PIK3R5: variants seen among roughly 807,000 people sequenced by gnomAD.
PIK3R5 encodes the protein phosphoinositide 3-kinase regulatory subunit 5.
In PIK3R5, 32 loss-of-function variants were observed where a neutral mutation model predicts 94.9. That is an observed-to-expected ratio of 0.34 (90% confidence interval 0.25 to 0.45). The LOEUF (loss-of-function observed/expected upper bound fraction) is 0.45. PIK3R5 is among the 20% of genes least tolerant of loss of function. The probability of loss-of-function intolerance (pLI) is 1.00; values close to 1 mark genes in which losing one functional copy is unlikely to be tolerated. For synonymous variants in PIK3R5, 443 were observed against 479.4 expected (o/e 0.92, Z 0.99); for missense variants, 853 against 1,144.6 (o/e 0.75, Z 3.68).
chr17:8,904,274 A>G lies in PIK3R5; in HGVS notation c.412+503T>C, dbSNP rs1363507294. Among the ~76,000 whole-genome samples, 5 of 152,220 alleles carry G rather than the reference A, an allele frequency of 3.3e-5. No individual in the cohort carries two copies. The highest frequency in any genetic ancestry group is 7.3e-5 in the Non-Finnish European group (5 of 68,040). The stretch of plus-strand genomic sequence containing the variant: ...AATTCTTACTTTTCAGACCCCACAC[A>G]TGAAAACTGAGTCCCGGGTCTTGTC... On this transcript the variant is annotated intron_variant, in intron 5 of 18. Transcript: ENST00000447110. The surrounding 1 kb of genome is among the most constrained non-coding windows in gnomAD (Gnocchi z 5.1).
Position 8,881,695 on chromosome 17 carries a change from G to A in PIK3R5, c.2317C>T (p.Leu773=). ...QEELDSSMEA[L]TLNLTEVVKR... is the part of the protein sequence containing the mutation. ...ACCACTTCTGTCAGGTTTAGCGTCA[G>A]GGCCTCCATGCTGGAATCTGAGGGG... The change falls in exon 17 of 19, where the codon CTG becomes TTG. Residue 773 remains leucine, a synonymous_variant. Transcript: ENST00000447110. The surrounding 1 kb of genome is among the most constrained non-coding windows in gnomAD (Gnocchi z 4.8). The A allele has an allele frequency of 2.5e-6, 4 of 1,613,964 alleles. No individual in the cohort carries two copies. The highest frequency in any genetic ancestry group is 3.4e-6 in the Non-Finnish European group (4 of 1,179,932).
intron 1 of PIK3R5, among the ~76,000 whole-genome samples, chr17:8,914,388 C>A (rs924203825): frequency 9.9e-5 from 15 of 152,164 alleles, no homozygotes; most frequent in African/African-American, 3.6e-4. Context: ...ACAAAAGTTG[C>A]TAAATCCTCT....
chr17:8,880,568 A>C lies in PIK3R5; in HGVS notation c.*71T>G. ...CAGGGCCATTCAGTTCTCCACAGAG[A>C]GGGACTGTCCTGGAGGGGTGGCCGA... On this transcript the variant is annotated 3_prime_UTR_variant, in exon 19 of 19. Coordinates refer to ENST00000447110, the MANE Select transcript of PIK3R5 (RefSeq NM_001142633.3). 40 of 1,423,846 alleles carry C rather than the reference A, an allele frequency of 2.8e-5. No homozygotes were observed. Among genetic ancestry groups the C allele is most frequent in the Non-Finnish European group, 3.8e-5 (40 of 1,066,276 alleles). 88.2% of individuals were successfully genotyped at this position (1,423,846 alleles called of 1,614,324 possible).
At chr17:8,898,572 C>G (rs532047905) in intron 5 of PIK3R5, among the ~76,000 whole-genome samples, 3 of 152,276 alleles carry the variant, frequency 2.0e-5, no homozygotes, top group African/African-American at 4.8e-5. Context: ...AAATGTCGAG[C>G]CTTCAGTTTC....
Position 8,880,422 on chromosome 17 carries a change from T to G in PIK3R5, c.*217A>C, listed in dbSNP as rs1288208221. 2.1e-6 allele frequency: 1 copy of G among 467,272 alleles called. No individual in the cohort carries two copies. Among genetic ancestry groups the G allele is most frequent in the Non-Finnish European group, 3.8e-6 (1 of 265,714 alleles). 28.9% of individuals were successfully genotyped at this position (467,272 alleles called of 1,614,324 possible). On this transcript the variant is annotated 3_prime_UTR_variant, in exon 19 of 19. Transcript: ENST00000447110. ...TTCTACTGCCAGGAATCTAAGAGGC[T>G]ATGGGGTCTGGCCCTTCTCTCTCTG...
chr17:8,886,898 C>T (rs1401985237), intron 12 of PIK3R5, among the ~76,000 whole-genome samples, 198 bp downstream of exon 12: 3 of 152,212 alleles, frequency 2.0e-5, no homozygotes, highest in Admixed American at 6.5e-5. Flanking sequence ...TCCATCACTG[C>T]AGTGACCCCA....
intron 1 of PIK3R5, among the ~76,000 whole-genome samples, chr17:8,957,717 G>A (rs1383144414): frequency 6.6e-6 from 1 of 152,184 alleles, no homozygotes; most frequent in Non-Finnish European, 1.5e-5. Context: ...AATCAAAGAT[G>A]GCTCTCGGGC....
At chr17:8,938,392 T>C (rs2091114647) in intron 1 of PIK3R5, among the ~76,000 whole-genome samples, 1 of 152,218 alleles carries the variant, frequency 6.6e-6, no homozygotes, top group Admixed American at 6.5e-5. Flanking sequence ...CTGTAATTCA[T>C]GTAACGTAAA....
At chr17:8,963,796 C>G (rs914729670) in intron 1 of PIK3R5, among the ~76,000 whole-genome samples, 5 of 152,018 alleles carry the variant, frequency 3.3e-5, no homozygotes, top group African/African-American at 1.2e-4. Flanking sequence ...TCATCCCTCT[C>G]GTAAGCTAGA....
intron 1 of PIK3R5, among the ~76,000 whole-genome samples, chr17:8,944,629 G>A (rs1429640962): frequency 6.6e-6 from 1 of 152,190 alleles, no homozygotes; most frequent in African/African-American, 2.4e-5. Context: ...ACCCTCTGGT[G>A]AAATGGGAAC....
intron 1 of PIK3R5, among the ~76,000 whole-genome samples, chr17:8,954,104 C>T (rs1242337929): frequency 6.6e-6 from 1 of 152,014 alleles, no homozygotes; most frequent in Non-Finnish European, 1.5e-5. Flanking sequence ...AAAGAAATAA[C>T]TTTGTCCTTG....
chr17:8,906,940 A>G (rs990858454), intron 3 of PIK3R5, among the ~76,000 whole-genome samples: 3 of 152,202 alleles, frequency 2.0e-5, no homozygotes, highest in Non-Finnish European at 4.4e-5. Context: ...ATTGTATCAT[A>G]TATTAAATTT....
In PIK3R5 at chr17:8,881,776, C is replaced by G; in HGVS notation, c.2299+12G>C. On this transcript the variant is annotated intron_variant, in intron 16 of 18. Transcript: ENST00000447110. The surrounding 1 kb of genome is among the most constrained non-coding windows in gnomAD (Gnocchi z 4.8). ...TCCCTACTGCACACCCCACACTGAC[C>G]ACCCCACTCACCCAGCTCCTCCTGC... The G allele has an allele frequency of 6.2e-7, 1 of 1,613,614 alleles. No homozygotes were observed. Among genetic ancestry groups the G allele is most frequent in the Non-Finnish European group, 8.5e-7 (1 of 1,179,544 alleles).
Position 8,911,218 on chromosome 17 carries a change from A to C in PIK3R5, c.103+174T>G, listed in dbSNP as rs1025960642. On this transcript the variant is annotated intron_variant, in intron 2 of 18. Transcript: ENST00000447110. The surrounding 1 kb of genome is among the most constrained non-coding windows in gnomAD (Gnocchi z 5.3). ...AGAAAGTGCCAGACACTGAGGTCTGACTACATCAAGTGCTGCGCCAGGCAC... is the reference window on the plus strand; with the variant it reads ...AGAAAGTGCCAGACACTGAGGTCTGCCTACATCAAGTGCTGCGCCAGGCAC... Among the ~76,000 whole-genome samples, 1 of 152,194 alleles carries C rather than the reference A, an allele frequency of 6.6e-6. No homozygotes were observed. The highest frequency in any genetic ancestry group is 1.5e-5 in the Non-Finnish European group (1 of 68,030).
At chr17:8,885,853 T>C (rs1481702103) in intron 14 of PIK3R5, among the ~76,000 whole-genome samples, 10 of 45,528 alleles carry the variant, frequency 2.2e-4, no homozygotes, top group Non-Finnish European at 3.6e-4. Flanking sequence ...CCCCGCCTCC[T>C]GGGTAACTCC....
At chr17:8,962,899 G>C (rs1373068974) in intron 1 of PIK3R5, among the ~76,000 whole-genome samples, 1 of 152,146 alleles carries the variant, frequency 6.6e-6, no homozygotes, top group Non-Finnish European at 1.5e-5. Context: ...TATATCTGAG[G>C]CTCAAAAATC....
At chr17:8,898,509 T>C (rs1567642866) in intron 5 of PIK3R5, among the ~76,000 whole-genome samples, 1 of 152,196 alleles carries the variant, frequency 6.6e-6, no homozygotes, top group African/African-American at 2.4e-5. Flanking sequence ...CAAAGAGATA[T>C]GGGTTCAAGT....
In PIK3R5 at chr17:8,960,775, T is replaced by A. The variant is rs555973704; in HGVS notation, c.-14+4821A>T. ...AGGAAACCACACAAGCTCATTTGCC[T>A]AGGTCAACAACAACAACAAGACTCC... On this transcript the variant is annotated intron_variant, in intron 1 of 18. Transcript: ENST00000447110. 1.1e-4 allele frequency among the ~76,000 whole-genome samples: 16 copies of A among 152,270 alleles called. 1 individual carries two copies. Among genetic ancestry groups the A allele is most frequent in the African/African-American group, 3.6e-4 (15 of 41,548 alleles).
rs1751637279 is a variant in PIK3R5 at position 8,905,539 on chromosome 17, C to T, written c.273+130G>A. ...CTGAAGCCATCTAAGGGTTGAAACC[C>T]ATTTCACATGCCGCTGCTTGACAGT... On this transcript the variant is annotated intron_variant, in intron 4 of 18. Transcript: ENST00000447110. The T allele has an allele frequency of 5.0e-6, 3 of 595,484 alleles. No individual in the cohort carries two copies. The East Asian group carries it at 1.1e-4, about 21-fold the overall frequency. 36.9% of individuals were successfully genotyped at this position (595,484 alleles called of 1,614,324 possible). A position where few individuals can be genotyped will look rare whatever the true frequency, so the allele number is the denominator to read the frequency against.
Sources: allele counts gnomAD v4.1 joint callset (sites outside exome capture counted in the v4.1 genomes callset), GRCh38; gene constraint gnomAD v4.1.1; non-coding constraint Gnocchi (gnomAD v3.1); transcripts MANE v1.5; gene names NCBI Gene and HGNC (gene_info 2026-07-23, HGNC 2026-07-21).